Variants in ZCWPW2 observed in about 807,000 individuals in gnomAD.
ZCWPW2 encodes zinc finger CW-type PWWP domain protein 2.
Under a neutral mutation model 46.6 loss-of-function variants are expected in ZCWPW2, and 45 were observed. The observed-to-expected ratio is 0.96, with a 90% confidence interval of 0.76 to 1.24. ZCWPW2 has a LOEUF of 1.24. Among genes scored for constraint, ZCWPW2 ranks in the 50% most tolerant of loss-of-function variants. ZCWPW2 has a pLI of 0.00. For synonymous variants in ZCWPW2, 152 were observed against 137.1 expected (o/e 1.11, Z -0.76); for missense variants, 429 against 403.9 (o/e 1.06, Z -0.53).
At position 28,463,414 on chromosome 3, in the gene ZCWPW2, G is replaced by T. The variant is rs1422136938; in HGVS notation, c.493-15400G>T. Among the ~76,000 whole-genome samples, 3 of 152,040 alleles carry T rather than the reference G, an allele frequency of 2.0e-5. No homozygotes were observed. The East Asian group carries it at 5.8e-4, about 29-fold the overall frequency. On this transcript the variant is annotated intron_variant, in intron 4 of 9. Coordinates refer to ENST00000383768, the MANE Select transcript of ZCWPW2 (RefSeq NM_001040432.4). ...GGTTCTTGGAAGTTTTTACTACAGA[G>T]CTGCCTTGAAAATGTTTAAATTTAA...
At chr3:28,397,326 G>T (rs538476170) in intron 2 of ZCWPW2, among the ~76,000 whole-genome samples, 5 of 152,068 alleles carry the variant, frequency 3.3e-5, no homozygotes, top group Non-Finnish European at 7.4e-5. Context: ...AATTCAGGAA[G>T]AATTGATCTT....
rs74502845 is a variant in ZCWPW2 at position 28,372,946 on chromosome 3, T to G, written c.-133-17552T>G. On this transcript the variant is annotated intron_variant, in intron 1 of 9. Transcript: ENST00000383768. The stretch of plus-strand genomic sequence containing the variant: ...GTTCCACCTATTGTTGCAAAAAACA[T>G]GATTGCATTCATTTTTTCTGGCTGC... 3.9e-3 allele frequency among the ~76,000 whole-genome samples: 595 copies of G among 152,350 alleles called. 4 individuals carry two copies. The highest frequency in any genetic ancestry group is 6.8e-3 in the Non-Finnish European group (466 of 68,032).
At chr3:28,492,544 A>T (rs995751701) in intron 6 of ZCWPW2, among the ~76,000 whole-genome samples, 4 of 152,162 alleles carry the variant, frequency 2.6e-5, no homozygotes, top group Admixed American at 6.6e-5. Context: ...TTACAGCTCA[A>T]CATGGTGTCT....
At chr3:28,430,842 G>C (rs916882286) in intron 3 of ZCWPW2, among the ~76,000 whole-genome samples, 1 of 152,086 alleles carries the variant, frequency 6.6e-6, no homozygotes, top group Non-Finnish European at 1.5e-5. Flanking sequence ...TGTGAAGAAG[G>C]ACATGTTTGC....
At chr3:28,417,155 CAAAT>C (rs1696618322) in intron 3 of ZCWPW2, among the ~76,000 whole-genome samples, 1 of 148,046 alleles carries the variant, frequency 6.8e-6, no homozygotes, top group African/African-American at 2.5e-5. Context: ...GCTAGCAAGA[CAAAT>C]AAAGAAGAAA....
chr3:28,398,180 T>G (rs1429099056), intron 2 of ZCWPW2: 1 of 152,252 alleles, frequency 6.6e-6, no homozygotes, highest in Non-Finnish European at 1.5e-5. Context: ...GACTGCTTCC[T>G]GGTTTTCAGA....
At chr3:28,445,263 G>A (rs1475294461) in intron 4 of ZCWPW2, among the ~76,000 whole-genome samples, 1 of 151,540 alleles carries the variant, frequency 6.6e-6, no homozygotes, top group African/African-American at 2.4e-5. Flanking sequence ...AACATTATTA[G>A]TCTAAAAGCT....
At chr3:28,403,932 A>G (rs1431117208) in intron 2 of ZCWPW2, among the ~76,000 whole-genome samples, 1 of 152,204 alleles carries the variant, frequency 6.6e-6, no homozygotes, top group Non-Finnish European at 1.5e-5. Context: ...ACCTGAAACT[A>G]TAAAAATTCT....
chr3:28,367,478 G>C (rs981950373), intron 1 of ZCWPW2, among the ~76,000 whole-genome samples: 9 of 152,204 alleles, frequency 5.9e-5, no homozygotes, highest in African/African-American at 1.9e-4. Context: ...TTAATCCTGA[G>C]TTCTAGTTTG....
intron 6 of ZCWPW2, chr3:28,510,982 G>A (rs1210180848): frequency 2.2e-6 from 1 of 446,410 alleles, no homozygotes; most frequent in Non-Finnish European, 4.5e-6. Flanking sequence ...CTACCACCTG[G>A]TAGCTACATT....
chr3:28,440,039 T>A (rs1286023210), intron 4 of ZCWPW2, among the ~76,000 whole-genome samples: 3 of 152,188 alleles, frequency 2.0e-5, no homozygotes, highest in Admixed American at 2.0e-4. Flanking sequence ...CTGGGCTATT[T>A]GTAGTCCTGC....
At chr3:28,475,092 A>C (rs1055179429) in intron 4 of ZCWPW2, among the ~76,000 whole-genome samples, 1 of 151,876 alleles carries the variant, frequency 6.6e-6, no homozygotes, top group Non-Finnish European at 1.5e-5. Context: ...AACCTGTCCA[A>C]CTCGGCCTCC....
chr3:28,413,277 A>G lies in ZCWPW2; in HGVS notation c.209A>G (p.Asn70Ser), dbSNP rs765128103. The change falls in exon 3 of 10, where the codon AAC (asparagine) becomes AGC (serine). Residue 70 changes from asparagine to serine, a missense_variant. Transcript: ENST00000383768. ...CFMNTDSRYN[N>S]CSISEEDFPE... ...ATGAACACTGATTCAAGATATAATAACTGCTCAATTTCTGAAGAAGACTTC... is the reference window on the plus strand; with the variant it reads ...ATGAACACTGATTCAAGATATAATAGCTGCTCAATTTCTGAAGAAGACTTC... 63 of 1,613,230 alleles carry G rather than the reference A, an allele frequency of 3.9e-5. 1 individual carries two copies. The Admixed American group carries it at 8.3e-4, about 21-fold the overall frequency.
At chr3:28,400,355 G>T (rs770434440) in intron 2 of ZCWPW2, among the ~76,000 whole-genome samples, 11 of 152,130 alleles carry the variant, frequency 7.2e-5, no homozygotes, top group Non-Finnish European at 1.5e-4. Flanking sequence ...TAAAAGTTTG[G>T]AAAACATATT....
chr3:28,352,673 T>C (rs1185131128), intron 1 of ZCWPW2, among the ~76,000 whole-genome samples: 1 of 152,176 alleles, frequency 6.6e-6, no homozygotes, highest in Non-Finnish European at 1.5e-5. Context: ...GGTATATAAC[T>C]TATGAGTTCA....
At chr3:28,522,651 C>T (rs538227854) in intron 9 of ZCWPW2, among the ~76,000 whole-genome samples, 7 of 152,070 alleles carry the variant, frequency 4.6e-5, no homozygotes, top group Non-Finnish European at 8.8e-5. Context: ...GTAATATTAA[C>T]GTTAAGAACT....
intron 1 of ZCWPW2, among the ~76,000 whole-genome samples, chr3:28,381,065 T>C (rs576962485): frequency 2.4e-5 from 3 of 122,960 alleles, no homozygotes; most frequent in Admixed American, 8.6e-5. Flanking sequence ...TATATATATA[T>C]ATATATATAT....
intron 1 of ZCWPW2, among the ~76,000 whole-genome samples, chr3:28,365,226 C>T (rs1301112647): frequency 6.8e-6 from 1 of 146,314 alleles, no homozygotes; most frequent in Non-Finnish European, 1.5e-5. Context: ...CTTGCCCATG[C>T]TTATGTCCTG....
chr3:28,401,043 G>C (rs570341169), intron 2 of ZCWPW2, among the ~76,000 whole-genome samples: 11 of 152,140 alleles, frequency 7.2e-5, no homozygotes, highest in Non-Finnish European at 1.3e-4. Context: ...GCCGGGCGTG[G>C]TGGCAGGCGC....
Sources: gnomAD v4.1 joint callset for allele counts (sites outside exome capture counted in the v4.1 genomes callset) on GRCh38, gnomAD v4.1.1 for gene constraint, MANE v1.5 for transcripts, NCBI Gene and HGNC (gene_info 2026-07-23, HGNC 2026-07-21) for gene names.